The following MMP2 variants were observed in gnomAD, a reference collection of about 807,000 sequenced individuals.
The protein encoded by MMP2 is 72 kDa type IV collagenase.
MMP2 carries 39 observed loss-of-function variants against 74.8 expected under a neutral mutation model. The observed-to-expected ratio is 0.52, with a 90% CI of 0.40 to 0.68. The LOEUF (loss-of-function observed/expected upper bound fraction) is 0.68. MMP2 is among the 30% of genes least tolerant of loss of function. The probability of loss-of-function intolerance (pLI) is 0.00; values close to 1 mark genes in which losing one functional copy is unlikely to be tolerated. For missense variants in MMP2, 803 were observed against 878.3 expected (o/e 0.91, Z 1.08); for synonymous variants, 367 against 339.8 (o/e 1.08, Z -0.88).
Position 55,502,852 on chromosome 16 carries a change from G to T in MMP2, c.1843G>T (p.Asp615Tyr). The T allele has an allele frequency of 6.2e-7, 1 of 1,614,002 alleles. No homozygotes were observed. Among genetic ancestry groups the T allele is most frequent in the Non-Finnish European group, 8.5e-7 (1 of 1,180,032 alleles). ...LIADAWNAIP[D>Y]NLDAVVDLQG... ...CGCAGATGCCTGGAATGCCATCCCCGATAACCTGGATGCCGTCGTGGACCT... is the reference window on the plus strand; with the variant it reads ...CGCAGATGCCTGGAATGCCATCCCCTATAACCTGGATGCCGTCGTGGACCT... Residue 615 changes from aspartate (D) to tyrosine (Y), a missense_variant, in exon 12 of 13, where the codon GAT becomes TAT. By Grantham distance (160) the Asp-to-Tyr change is radical. Transcript: ENST00000219070.
chr16:55,505,399 G>A lies in MMP2; in HGVS notation c.1940G>A (p.Ser647Asn). 6.2e-7 allele frequency: 1 copy of A among 1,614,134 alleles called. No homozygotes were observed. The highest frequency in any genetic ancestry group is 2.2e-5 in the East Asian group (1 of 44,862). ...YLKLENQSLK[S>N]VKFGSIKSDW... is the part of the protein sequence containing the mutation. ...AAGCTGGAGAACCAAAGTCTGAAGA[G>A]CGTGAAGTTTGGAAGCATCAAATCC... Residue 647 changes from serine to asparagine, a missense_variant, in exon 13 of 13, where the codon AGC (serine) becomes AAC (asparagine). Around this residue, in one of 3 missense-constraint regions of MMP2, gnomAD observed 555 missense variants for 592.0 expected, o/e 0.94. Transcript: ENST00000219070.
intron 3 of MMP2, among the ~76,000 whole-genome samples, chr16:55,484,556 T>C (rs1962193521): frequency 6.6e-6 from 1 of 152,220 alleles, no homozygotes; most frequent in South Asian, 2.1e-4. Context: ...CTAGTGACTA[T>C]TGATTTTGGA....
intron 1 of MMP2, among the ~76,000 whole-genome samples, chr16:55,480,949 A>G (rs1962084476): frequency 6.6e-6 from 1 of 152,066 alleles, no homozygotes; most frequent in African/African-American, 2.4e-5. Flanking sequence ...CTTTGGGACA[A>G]TGACAAAGCT....
chr16:55,493,374 G>A (rs1490297575), intron 9 of MMP2, 81 bp downstream of exon 9: 84 of 1,583,540 alleles, frequency 5.3e-5, no homozygotes, highest in East Asian at 6.7e-5. Context: ...CTCACTCTTC[G>A]CTGAAGACTC....
At chr16:55,503,584 A>C (rs1219299254) in intron 12 of MMP2, among the ~76,000 whole-genome samples, 1 of 152,084 alleles carries the variant, frequency 6.6e-6, no homozygotes, top group East Asian at 1.9e-4. Flanking sequence ...TGTCCAAGAA[A>C]ATGCAGTGTA....
Position 55,505,323 on chromosome 16 carries a change from T to C in MMP2, c.1880-16T>C, listed in dbSNP as rs750107432. The C allele has an allele frequency of 6.2e-7, 1 of 1,609,492 alleles. No homozygotes were observed. Among genetic ancestry groups the C allele is most frequent in the Non-Finnish European group, 8.5e-7 (1 of 1,175,840 alleles). On this transcript the variant is annotated splice_polypyrimidine_tract_variant and intron_variant, in intron 12 of 12. Transcript: ENST00000219070. ...TCAGGATAAGGGGGTCACGGTCTCT[T>C]CTTTCTCTATCCCAGGTCACAGCTA...
In MMP2 at chr16:55,506,208, A is replaced by T. The variant is rs571732457; in HGVS notation, c.*766A>T. The T allele has an allele frequency of 6.6e-6, 1 of 152,312 alleles. No individual in the cohort carries two copies. The highest frequency in any genetic ancestry group is 1.5e-5 in the Non-Finnish European group (1 of 68,136). The allele number at this position is 152,312 out of a possible 1,614,324, so 9.4% of individuals were successfully genotyped here. A position where few individuals can be genotyped will look rare whatever the true frequency, so the allele number is the denominator to read the frequency against. On this transcript the variant is annotated 3_prime_UTR_variant, in exon 13 of 13. Transcript: ENST00000219070. The stretch of plus-strand genomic sequence containing the variant: ...CAACCATTCCCCATGGGAAATGTCA[A>T]CAAGTATGAATAAAGACACCTACTG...
chr16:55,492,936 G>A (rs1962446837), intron 8 of MMP2, among the ~76,000 whole-genome samples: 2 of 152,170 alleles, frequency 1.3e-5, no homozygotes, highest in African/African-American at 4.8e-5. Context: ...GCTATAGAGA[G>A]GACTGATTTG....
intron 1 of MMP2, among the ~76,000 whole-genome samples, chr16:55,481,266 G>A (rs1962090584): frequency 6.6e-6 from 1 of 152,046 alleles, no homozygotes; most frequent in South Asian, 2.1e-4. Flanking sequence ...TGGAACCGAG[G>A]GTTTCTCTCC....
At position 55,498,307 on chromosome 16, in the gene MMP2, A is replaced by C; in HGVS notation, c.1628A>C (p.Tyr543Ser). ...VFFAGNEYWIYSASTLERGYP... is the reference protein window; with the variant it reads ...VFFAGNEYWISSASTLERGYP... Reference sequence around the variant, plus strand: ...ACCCCAGGGAATGAATACTGGATCTACTCAGCCAGCACCCTGGAGCGAGGG... The same window carrying C: ...ACCCCAGGGAATGAATACTGGATCTCCTCAGCCAGCACCCTGGAGCGAGGG... Residue 543 changes from tyrosine (Y) to serine (S), a missense_variant, in exon 11 of 13, where the codon TAC becomes TCC. Coordinates refer to ENST00000219070, the MANE Select transcript of MMP2 (RefSeq NM_004530.6). 2 of 1,614,104 alleles carry C rather than the reference A, an allele frequency of 1.2e-6. No individual in the cohort carries two copies. Among genetic ancestry groups the C allele is most frequent in the Non-Finnish European group, 1.7e-6 (2 of 1,180,024 alleles).
intron 8 of MMP2, among the ~76,000 whole-genome samples, chr16:55,492,321 C>T (rs1962429714): frequency 6.6e-6 from 1 of 152,102 alleles, no homozygotes; most frequent in South Asian, 2.1e-4. Context: ...AATTTTCCAT[C>T]ATGTGGAATG....
At chr16:55,502,677 G>A (rs1016478670) in intron 11 of MMP2, 102 bp from the exon 12 acceptor site, 8 of 1,026,032 alleles carry the variant, frequency 7.8e-6, no homozygotes, top group Admixed American at 5.6e-5. Context: ...TCCAGTTTCC[G>A]AGGCCTATCC....
chr16:55,498,181 C>T, intron 10 of MMP2, 108 bp from the exon 11 acceptor site: 1 of 1,419,444 alleles, frequency 7.0e-7, no homozygotes, highest in Non-Finnish European at 9.8e-7. Flanking sequence ...AAGTTGCACT[C>T]TGTTGGGAAT....
intron 1 of MMP2, among the ~76,000 whole-genome samples, chr16:55,481,039 G>A (rs1487395559): frequency 6.6e-6 from 1 of 152,124 alleles, no homozygotes; most frequent in Non-Finnish European, 1.5e-5. Context: ...GGGCCACATG[G>A]GTTCTTGGCT....
rs121908741 is a variant in MMP2 at position 55,491,837 on chromosome 16, G to A, written c.1217G>A (p.Gly406Asp). The A allele has an allele frequency of 1.2e-6, 2 of 1,614,184 alleles. No homozygotes were observed. The highest frequency in any genetic ancestry group is 2.2e-5 in the East Asian group (1 of 44,872). Residue 406 changes from glycine to aspartate, a missense_variant, in exon 8 of 13, where the codon GGC (glycine) becomes GAC (aspartate). Physicochemically the swap from Gly to Asp is moderately conservative, Grantham distance 94. This residue lies in a region of MMP2 where 555 missense variants were observed against 592.0 expected (regional missense o/e 0.94). Coordinates refer to ENST00000219070, the MANE Select transcript of MMP2 (RefSeq NM_004530.6). ...SLFLVAAHEF[G>D]HAMGLEHSQD... Reference sequence around the variant, plus strand: ...TTCCTCGTGGCAGCCCACGAGTTTGGCCACGCCATGGGGCTGGAGCACTCC... The same window carrying A: ...TTCCTCGTGGCAGCCCACGAGTTTGACCACGCCATGGGGCTGGAGCACTCC...
At chr16:55,495,769 G>C (rs1307058981) in intron 9 of MMP2, among the ~76,000 whole-genome samples, 1 of 152,188 alleles carries the variant, frequency 6.6e-6, no homozygotes, top group Non-Finnish European at 1.5e-5. Context: ...GCCTGCAGGG[G>C]CAGAGAGAGG....
Position 55,505,425 on chromosome 16 carries a change from G to C in MMP2, c.1966G>C (p.Asp656His). 1 of 1,613,992 alleles carries C rather than the reference G, an allele frequency of 6.2e-7. No individual in the cohort carries two copies. Among genetic ancestry groups the C allele is most frequent in the Non-Finnish European group, 8.5e-7 (1 of 1,179,984 alleles). ...KSVKFGSIKS[D>H]WLGC ...CGTGAAGTTTGGAAGCATCAAATCC[G>C]ACTGGCTAGGCTGCTGAGCTGGCCC... The change falls in exon 13 of 13, where the codon GAC (aspartate) becomes CAC (histidine). Residue 656 changes from aspartate to histidine, a missense_variant. Asp to His is a moderately conservative substitution (Grantham distance 81, BLOSUM62 -1). This residue lies in a region of MMP2 where 555 missense variants were observed against 592.0 expected (regional missense o/e 0.94). Coordinates refer to ENST00000219070, the MANE Select transcript of MMP2 (RefSeq NM_004530.6).
chr16:55,495,523 C>T (rs191984712), intron 9 of MMP2, among the ~76,000 whole-genome samples: 70 of 152,322 alleles, frequency 4.6e-4, no homozygotes, highest in African/African-American at 1.7e-3. Context: ...ACTTTGGAGT[C>T]AGATCTGGAT....
chr16:55,501,825 C>T (rs1248314794), intron 11 of MMP2, among the ~76,000 whole-genome samples: 1 of 152,076 alleles, frequency 6.6e-6, no homozygotes, highest in Non-Finnish European at 1.5e-5. Context: ...GATGCGAACA[C>T]AGATTCATCT....
Sources: gnomAD v4.1 joint callset for allele counts (sites outside exome capture counted in the v4.1 genomes callset) on GRCh38, gnomAD v4.1.1 for gene constraint, gnomAD v4.1.1 regional missense constraint, MANE v1.5 for transcripts, NCBI Gene and HGNC (gene_info 2026-07-23, HGNC 2026-07-21) for gene names.